Variants in ARIH1 observed in about 807,000 individuals in gnomAD.
ARIH1 encodes the protein E3 ubiquitin-protein ligase ARIH1.
ARIH1 carries 8 observed loss-of-function variants against 85.0 expected under a neutral mutation model. The observed-to-expected ratio is 0.09, with a 90% CI of 0.06 to 0.17. The LOEUF (loss-of-function observed/expected upper bound fraction) is 0.17. ARIH1 is among the 10% of genes least tolerant of loss of function. The pLI is 1.00. For synonymous variants in ARIH1, 238 were observed against 253.6 expected (o/e 0.94, Z 0.59); for missense variants, 311 against 718.1 (o/e 0.43, Z 6.48).
chr15:72,482,971 G>C (rs771162699), intron 1 of ARIH1, among the ~76,000 whole-genome samples: 3 of 151,786 alleles, frequency 2.0e-5, no homozygotes, highest in Non-Finnish European at 2.9e-5. Flanking sequence ...CTCCTGAGTA[G>C]TTGGGACTAT....
At chr15:72,574,507 G>A (rs552643576) in intron 11 of ARIH1, among the ~76,000 whole-genome samples, 43 of 152,284 alleles carry the variant, frequency 2.8e-4, no homozygotes, top group African/African-American at 1.0e-3. Context: ...ATCCTTGATG[G>A]TACCTTGACT....
Position 72,544,811 on chromosome 15 carries a change from A to G in ARIH1, c.444-9A>G. On this transcript the variant is annotated splice_polypyrimidine_tract_variant and intron_variant, in intron 2 of 13. Coordinates refer to ENST00000379887, the MANE Select transcript of ARIH1 (RefSeq NM_005744.5). Reference sequence around the variant, plus strand: ...CTGGGCTCTTATCCTTTCTGTTTAAATAATGCAGGTACTTTGATGGAAACC... The same window carrying G: ...CTGGGCTCTTATCCTTTCTGTTTAAGTAATGCAGGTACTTTGATGGAAACC... The G allele has an allele frequency of 6.2e-7, 1 of 1,607,702 alleles. No individual in the cohort carries two copies. The highest frequency in any genetic ancestry group is 8.5e-7 in the Non-Finnish European group (1 of 1,175,634).
At chr15:72,583,146 T>C in intron 13 of ARIH1, 62 bp from the exon 14 acceptor site, 5 of 1,314,512 alleles carry the variant, frequency 3.8e-6, no homozygotes, top group Non-Finnish European at 5.4e-6. Context: ...AATAAGTAAA[T>C]GCCTCTTTTT....
intron 1 of ARIH1, among the ~76,000 whole-genome samples, chr15:72,513,917 G>A (rs1240423770): frequency 6.9e-6 from 1 of 145,818 alleles, no homozygotes. Context: ...TCTGAGGCTG[G>A]AAGGCTGGAG....
chr15:72,485,717 G>C (rs1960084902), intron 1 of ARIH1, among the ~76,000 whole-genome samples: 1 of 151,902 alleles, frequency 6.6e-6, no homozygotes, highest in African/African-American at 2.4e-5. Flanking sequence ...GGTAATTGCT[G>C]TCTTTCTTAT....
intron 1 of ARIH1, among the ~76,000 whole-genome samples, chr15:72,501,550 C>T (rs2063903984): frequency 6.6e-6 from 1 of 152,090 alleles, no homozygotes; most frequent in Non-Finnish European, 1.5e-5. Flanking sequence ...TGTTGATGAC[C>T]TAGTGGTTGT....
At chr15:72,555,586 A>T (rs1300942621) in intron 4 of ARIH1, among the ~76,000 whole-genome samples, 6 of 152,218 alleles carry the variant, frequency 3.9e-5, no homozygotes, top group Non-Finnish European at 7.3e-5. Context: ...GTATATGTTA[A>T]CTTAAACTTG....
At chr15:72,538,552 C>A (rs1202194428) in intron 2 of ARIH1, among the ~76,000 whole-genome samples, 1 of 152,178 alleles carries the variant, frequency 6.6e-6, no homozygotes, top group African/African-American at 2.4e-5. Flanking sequence ...GGCAGTGATG[C>A]CACAGTCACT....
chr15:72,525,646 T>G (rs532680554), intron 2 of ARIH1, among the ~76,000 whole-genome samples: 2 of 152,272 alleles, frequency 1.3e-5, no homozygotes, highest in South Asian at 2.1e-4. Flanking sequence ...ACTATTAAAG[T>G]GATTGCCCAT....
intron 1 of ARIH1, among the ~76,000 whole-genome samples, chr15:72,481,881 G>T (rs2063817870): frequency 6.6e-6 from 1 of 152,010 alleles, no homozygotes; most frequent in African/African-American, 2.4e-5. Context: ...CTCTTGCCCA[G>T]GCTGGGGTGC....
intron 1 of ARIH1, among the ~76,000 whole-genome samples, chr15:72,493,751 T>C (rs971607914): frequency 6.6e-6 from 1 of 152,208 alleles, no homozygotes; most frequent in Non-Finnish European, 1.5e-5. Flanking sequence ...CTTCATTCTA[T>C]GTACAAAACA....
intron 1 of ARIH1, among the ~76,000 whole-genome samples, chr15:72,479,856 A>G (rs1595846949): frequency 1.3e-5 from 2 of 151,714 alleles, no homozygotes; most frequent in African/African-American, 4.8e-5. Context: ...TAAGGAAGAC[A>G]GTGTACTATT....
intron 2 of ARIH1, among the ~76,000 whole-genome samples, chr15:72,536,548 A>G (rs927568463): frequency 5.9e-5 from 9 of 152,194 alleles, no homozygotes; most frequent in Non-Finnish European, 8.8e-5. Context: ...TAAGAGGTCA[A>G]TTTACTGTTC....
chr15:72,538,524 A>G (rs1256580973), intron 2 of ARIH1, among the ~76,000 whole-genome samples: 1 of 152,236 alleles, frequency 6.6e-6, no homozygotes, highest in African/African-American at 2.4e-5. Flanking sequence ...CTTTGAAGAT[A>G]AAATTAAATA....
chr15:72,474,851 G>A lies in ARIH1; in HGVS notation c.212G>A (p.Gly71Asp). 1.5e-6 allele frequency: 2 copies of A among 1,374,824 alleles called. No homozygotes were observed. The highest frequency in any genetic ancestry group is 2.0e-5 in the South Asian group (1 of 49,182). 85.2% of individuals were successfully genotyped at this position (1,374,824 alleles called of 1,614,324 possible). A position where few individuals can be genotyped will look rare whatever the true frequency, so the allele number is the denominator to read the frequency against. The change falls in exon 1 of 14, where the codon GGC becomes GAC. Residue 71 changes from glycine (G) to aspartate (D), a missense_variant. Coordinates refer to ENST00000379887, the MANE Select transcript of ARIH1 (RefSeq NM_005744.5). The part of the protein sequence containing the change: ...LLCGETGGGG[G>D]SALGPGGGGG... ...TGCGGGGAGACGGGCGGTGGCGGCGGCAGCGCTCTGGGGCCCGGCGGTGGC... is the reference window on the plus strand; with the variant it reads ...TGCGGGGAGACGGGCGGTGGCGGCGACAGCGCTCTGGGGCCCGGCGGTGGC...
rs568819032 is a variant in ARIH1 at position 72,522,269 on chromosome 15, A to G, written c.443+4135A>G. Among the ~76,000 whole-genome samples the G allele has an allele frequency of 1.3e-4, 20 of 152,338 alleles. No homozygotes were observed. The East Asian group carries it at 3.7e-3, about 28-fold the overall frequency. On this transcript the variant is annotated intron_variant, in intron 2 of 13. Transcript: ENST00000379887. The stretch of plus-strand genomic sequence containing the variant: ...TGGCTCACACCTGTAATCCCAGCAC[A>G]TTGTGAGGCCAGGGAAGGCAGCTCA...
chr15:72,545,070 C>A, intron 3 of ARIH1, 106 bp downstream of exon 3: 1 of 1,040,310 alleles, frequency 9.6e-7, no homozygotes, highest in East Asian at 2.6e-5. Flanking sequence ...GAGTAGTAAC[C>A]TCTAAGCCAT....
chr15:72,522,040 A>G (rs1595860210), intron 2 of ARIH1, among the ~76,000 whole-genome samples: 1 of 152,120 alleles, frequency 6.6e-6, no homozygotes, highest in African/African-American at 2.4e-5. Flanking sequence ...AACAGTATCC[A>G]TCTTATTCCT....
In ARIH1 at chr15:72,590,440, C is replaced by CA. The variant is rs1200694703; in HGVS notation, c.*7151dup. On this transcript the variant is annotated 3_prime_UTR_variant, in exon 14 of 14. Transcript: ENST00000379887. Reference sequence around the variant, plus strand: ...CTCAGATACACTGTTCAGAAGTACTCAAAGTATTCCTTTTTTCTCACATTT... The same window carrying CA: ...CTCAGATACACTGTTCAGAAGTACTCAAAAGTATTCCTTTTTTCTCACATTT... 1.3e-5 allele frequency: 2 copies of CA among 152,212 alleles called. No individual in the cohort carries two copies. The highest frequency in any genetic ancestry group is 2.9e-5 in the Non-Finnish European group (2 of 68,040). 9.4% of individuals were successfully genotyped at this position (152,212 alleles called of 1,614,324 possible).
Sources: allele counts gnomAD v4.1 joint callset (sites outside exome capture counted in the v4.1 genomes callset), GRCh38; gene constraint gnomAD v4.1.1; transcripts MANE v1.5; gene names NCBI Gene and HGNC (gene_info 2026-07-23, HGNC 2026-07-21).